Variants in GRHL2 observed in about 807,000 individuals in gnomAD.
GRHL2 encodes grainyhead-like protein 2 homolog.
Under a neutral mutation model 83.8 loss-of-function variants are expected in GRHL2, and 21 were observed. The observed-to-expected ratio is 0.25, with a 90% confidence interval of 0.18 to 0.36. The LOEUF (loss-of-function observed/expected upper bound fraction) is 0.36, where lower values mean the gene tolerates loss of function less well. GRHL2 is among the 10% of genes least tolerant of loss of function. The pLI is 1.00. For synonymous variants in GRHL2, 280 were observed against 278.9 expected, an observed-to-expected ratio of 1.00 and a Z score of -0.04; for missense variants, 623 against 781.8, an observed-to-expected ratio of 0.80 and a Z score of 2.42.
chr8:101,527,770 C>T (rs1349319195), intron 1 of GRHL2, among the ~76,000 whole-genome samples: 2 of 152,142 alleles, frequency 1.3e-5, no homozygotes, highest in African/African-American at 4.8e-5. Context: ...AATCTTTTCA[C>T]GACTAAACAG....
At chr8:101,622,360 T>A (rs1812983263) in intron 9 of GRHL2, among the ~76,000 whole-genome samples, 1 of 152,174 alleles carries the variant, frequency 6.6e-6, no homozygotes. Context: ...TCGGGGACTC[T>A]AGTAGTCAAC....
intron 8 of GRHL2, among the ~76,000 whole-genome samples, chr8:101,603,590 G>A (rs1050927852): frequency 6.6e-6 from 1 of 152,224 alleles, no homozygotes; most frequent in Non-Finnish European, 1.5e-5. Context: ...GTTAAAATGA[G>A]GTTTGGGGAT....
At chr8:101,505,181 C>T (rs1810312601) in intron 1 of GRHL2, among the ~76,000 whole-genome samples, 1 of 152,102 alleles carries the variant, frequency 6.6e-6, no homozygotes, top group East Asian at 1.9e-4. Flanking sequence ...TCCCAACTGG[C>T]CCTCCCCTCC....
In GRHL2 at chr8:101,570,695, A is replaced by ATCTTTTT. The variant is rs1167371781; in HGVS notation, c.734+306_734+312dup. On this transcript the variant is annotated intron_variant, in intron 5 of 15. Transcript: ENST00000646743. ...CCCAACAAGTGTAATATGAAGCCCC[A>ATCTTTTT]TCTTTTTTCTTCTTTCCCTCCTTTT... Among the ~76,000 whole-genome samples the ATCTTTTT allele has an allele frequency of 2.6e-5, 4 of 152,220 alleles. No homozygotes were observed. In the East Asian group the frequency reaches 7.7e-4, roughly 29 times the overall value.
intron 9 of GRHL2, among the ~76,000 whole-genome samples, chr8:101,627,715 G>A (rs887080501): frequency 3.3e-5 from 5 of 152,096 alleles, no homozygotes; most frequent in Admixed American, 6.6e-5. Flanking sequence ...GCCAACGTGC[G>A]AATGCAAAGG....
In GRHL2 at chr8:101,666,976, C is replaced by G; in HGVS notation, c.*273C>G. On this transcript the variant is annotated 3_prime_UTR_variant, in exon 16 of 16. Transcript: ENST00000646743. ...TTATTGCCCACCTTTTCCTGGAGCC[C>G]AGGTCCAGGCCCGCCAGGACTCTGC... The G allele has an allele frequency of 1.8e-6, 1 of 546,534 alleles. No homozygotes were observed. The highest frequency in any genetic ancestry group is 3.3e-6 in the Non-Finnish European group (1 of 302,542). 33.9% of individuals were successfully genotyped at this position (546,534 alleles called of 1,614,324 possible).
In GRHL2 at chr8:101,573,668, T is replaced by C; in HGVS notation, c.735T>C (p.Ser245=). Residue 245 remains serine (S), a splice_region_variant and synonymous_variant, in exon 6 of 16, where the codon AGT becomes AGC. Transcript: ENST00000646743. ...GACCGCTGTTTGTTTTCTTTCACAG[T>C]GGCACATTTCAGTACACCCTGGAAG... is the stretch of plus-strand genomic sequence containing the variant. ...AEEYMYDQTS[S]GTFQYTLEAT... is the part of the protein sequence containing the mutation. 6.2e-7 allele frequency: 1 copy of C among 1,614,172 alleles called. No individual in the cohort carries two copies. The highest frequency in any genetic ancestry group is 1.7e-5 in the Admixed American group (1 of 60,024).
At chr8:101,535,194 G>A (rs1811019897) in intron 1 of GRHL2, among the ~76,000 whole-genome samples, 1 of 152,176 alleles carries the variant, frequency 6.6e-6, no homozygotes, top group Non-Finnish European at 1.5e-5. Context: ...TAACCTTTGT[G>A]TGTGTTAACA....
chr8:101,666,978 G>A lies in GRHL2; in HGVS notation c.*275G>A. The A allele has an allele frequency of 3.7e-6, 2 of 545,416 alleles. No homozygotes were observed. The highest frequency in any genetic ancestry group is 4.0e-5 in the South Asian group (2 of 49,640). 33.8% of individuals were successfully genotyped at this position (545,416 alleles called of 1,614,324 possible). A position where few individuals can be genotyped will look rare whatever the true frequency, so the allele number is the denominator to read the frequency against. ...ATTGCCCACCTTTTCCTGGAGCCCA[G>A]GTCCAGGCCCGCCAGGACTCTGCAG... On this transcript the variant is annotated 3_prime_UTR_variant, in exon 16 of 16. Transcript: ENST00000646743.
chr8:101,649,552 T>A, intron 14 of GRHL2, 53 bp downstream of exon 14: 1 of 1,364,532 alleles, frequency 7.3e-7, no homozygotes, highest in Non-Finnish European at 1.0e-6. Context: ...TTCTCTCTCC[T>A]CTGGAATCCA....
chr8:101,502,970 TATAAGG>T (rs1810262368), intron 1 of GRHL2, among the ~76,000 whole-genome samples: 1 of 152,138 alleles, frequency 6.6e-6, no homozygotes, highest in African/African-American at 2.4e-5. Context: ...TTTCAAATAA[TATAAGG>T]ATAAGAATAG....
intron 4 of GRHL2, among the ~76,000 whole-genome samples, chr8:101,561,570 G>C (rs1341240378): frequency 1.3e-5 from 2 of 152,144 alleles, no homozygotes; most frequent in Non-Finnish European, 2.9e-5. Flanking sequence ...AATAATATTT[G>C]ACACTGTCAT....
At chr8:101,605,906 T>C (rs1812623504) in intron 8 of GRHL2, among the ~76,000 whole-genome samples, 1 of 152,234 alleles carries the variant, frequency 6.6e-6, no homozygotes, top group East Asian at 1.9e-4. Context: ...CATCTCTCTC[T>C]AGCTCCTTTC....
intron 9 of GRHL2, among the ~76,000 whole-genome samples, chr8:101,627,448 T>G (rs954551386): frequency 2.0e-5 from 3 of 152,056 alleles, no homozygotes; most frequent in African/African-American, 7.2e-5. Flanking sequence ...TGATCAGTGT[T>G]GTGTATGTTC....
intron 8 of GRHL2, among the ~76,000 whole-genome samples, chr8:101,601,991 C>T (rs1192899533): frequency 1.3e-5 from 2 of 152,076 alleles, no homozygotes; most frequent in East Asian, 1.9e-4. Context: ...CCCCACCCCT[C>T]GACAGGCCCT....
intron 1 of GRHL2, among the ~76,000 whole-genome samples, chr8:101,521,128 G>A (rs1176410167): frequency 6.6e-6 from 1 of 152,232 alleles, no homozygotes; most frequent in African/African-American, 2.4e-5. Flanking sequence ...AGACAACAAT[G>A]TGAGTCTGAC....
chr8:101,498,668 T>A (rs1427818091), intron 1 of GRHL2, among the ~76,000 whole-genome samples: 1 of 152,154 alleles, frequency 6.6e-6, no homozygotes, highest in Admixed American at 6.5e-5. Flanking sequence ...ATTCAAATGA[T>A]CCCAGTGCCA....
chr8:101,660,788 C>T (rs933700033), intron 14 of GRHL2, among the ~76,000 whole-genome samples: 6 of 152,132 alleles, frequency 3.9e-5, no homozygotes, highest in Non-Finnish European at 8.8e-5. Context: ...CTTCCAGCTC[C>T]GCTCCTCCCT....
intron 8 of GRHL2, among the ~76,000 whole-genome samples, chr8:101,614,957 A>G (rs1461143119): frequency 6.6e-6 from 1 of 152,176 alleles, no homozygotes; most frequent in Non-Finnish European, 1.5e-5. Flanking sequence ...CCTATTATAA[A>G]TTCCTTCCCT....
Sources: allele counts gnomAD v4.1 joint callset (sites outside exome capture counted in the v4.1 genomes callset), GRCh38; gene constraint gnomAD v4.1.1; transcripts MANE v1.5; gene names NCBI Gene and HGNC (gene_info 2026-07-23, HGNC 2026-07-21).